CASP2: variants seen among roughly 807,000 people sequenced by gnomAD.
CASP2 encodes the protein caspase-2.
In CASP2, 38 loss-of-function variants were observed where a neutral mutation model predicts 54.4. That is an observed-to-expected ratio of 0.70 (90% confidence interval 0.54 to 0.92). The LOEUF (loss-of-function observed/expected upper bound fraction) is 0.92. Among genes scored for constraint, CASP2 ranks in the 40% least tolerant of loss-of-function variants. CASP2 has a pLI of 0.00. For missense variants in CASP2, 512 were observed against 579.6 expected (o/e 0.88, Z 1.20); for synonymous variants, 215 against 216.3 (o/e 0.99, Z 0.05).
intron 3 of CASP2, 56 bp downstream of exon 3, chr7:143,292,523 A>G: frequency 6.2e-7 from 1 of 1,608,584 alleles, no homozygotes; most frequent in Middle Eastern, 1.7e-4. Context: ...CTGGAAAGGA[A>G]TTTGTAAGTC....
rs1312601617 is a variant in CASP2, at chr7:143,288,428, G to A, written c.-28G>A. ...GGTTTGTTTGGGCTGTGGGCGGTGC[G>A]CAGCGGAGAGCCCGGGAAAAGCGGG... On this transcript the variant is annotated 5_prime_UTR_variant, in exon 1 of 11. Transcript: ENST00000310447. 6.2e-7 allele frequency: 1 copy of A among 1,609,912 alleles called. No homozygotes were observed. The highest frequency in any genetic ancestry group is 1.7e-5 in the Admixed American group (1 of 59,896).
At chr7:143,290,481 T>A (rs1024494933) in intron 1 of CASP2, 2 of 152,218 alleles carry the variant, frequency 1.3e-5, no homozygotes, top group Non-Finnish European at 2.9e-5. Flanking sequence ...CTGTTACATA[T>A]GTGGAAAATG....
intron 6 of CASP2, among the ~76,000 whole-genome samples, chr7:143,296,943 T>C (rs1310509885): frequency 6.6e-6 from 1 of 152,226 alleles, no homozygotes. Flanking sequence ...TTCATGAGGT[T>C]ACTAGTTCTA....
chr7:143,304,382 T>C (rs1802006452), intron 9 of CASP2, among the ~76,000 whole-genome samples: 3 of 152,244 alleles, frequency 2.0e-5, no homozygotes, highest in Admixed American at 2.0e-4. Flanking sequence ...ATAATGTTGT[T>C]GCACACTTAA....
Position 143,288,478 on chromosome 7 carries a change from C to T in CASP2, c.23C>T (p.Ser8Phe), listed in dbSNP as rs1340293151. ...GAAATGGCGGCGCCGAGCGCGGGGT[C>T]TTGGTCCACCTTCCAGCACAAGGAG... MAAPSAGSWSTFQHKELM... is the reference protein window; with the variant it reads MAAPSAGFWSTFQHKELM... The change falls in exon 1 of 11, where the codon TCT becomes TTT. Residue 8 changes from serine (S) to phenylalanine (F), a missense_variant. By Grantham distance (155) the Ser-to-Phe change is radical. Coordinates refer to ENST00000310447, the MANE Select transcript of CASP2 (RefSeq NM_032982.4). The T allele has an allele frequency of 1.9e-6, 3 of 1,613,152 alleles. No homozygotes were observed. Among genetic ancestry groups the T allele is most frequent in the African/African-American group, 1.3e-5 (1 of 74,920 alleles).
At chr7:143,298,939 G>A (rs1290460210) in intron 6 of CASP2, 1 of 151,832 alleles carries the variant, frequency 6.6e-6, no homozygotes, top group Non-Finnish European at 1.5e-5. Context: ...TTTTTGCAAT[G>A]TGTCCCAGAC....
chr7:143,296,842 T>G (rs1801769142), intron 6 of CASP2, among the ~76,000 whole-genome samples: 1 of 152,206 alleles, frequency 6.6e-6, no homozygotes, highest in Non-Finnish European at 1.5e-5. Flanking sequence ...GAGACTCCTC[T>G]TCCCCTGATA....
At chr7:143,301,809 A>G (rs1205840038) in intron 8 of CASP2, 1 of 152,208 alleles carries the variant, frequency 6.6e-6, no homozygotes, top group East Asian at 1.9e-4. Context: ...GCTGGTCACA[A>G]TGAAGTGGGT....
chr7:143,301,970 T>C (rs1326706674), intron 8 of CASP2: 1 of 152,196 alleles, frequency 6.6e-6, no homozygotes, highest in Non-Finnish European at 1.5e-5. Flanking sequence ...GGAAAGAGGT[T>C]ATGGGTCAGC....
chr7:143,302,637 C>CCCCAATT (rs976315656), intron 8 of CASP2: 5 of 152,142 alleles, frequency 3.3e-5, no homozygotes, highest in Non-Finnish European at 7.3e-5. Flanking sequence ...GGTCCTTTTC[C>CCCCAATT]CCCAATTCTT....
chr7:143,300,410 T>G, intron 8 of CASP2, 116 bp downstream of exon 8: 1 of 1,598,786 alleles, frequency 6.3e-7, no homozygotes, highest in Non-Finnish European at 8.5e-7. Context: ...CACCTCCTTC[T>G]GTTCACTGCT....
At chr7:143,292,223 C>A in intron 2 of CASP2, 77 bp from the exon 3 acceptor site, 1 of 1,458,716 alleles carries the variant, frequency 6.9e-7, no homozygotes, top group Non-Finnish European at 9.6e-7. Context: ...GAGGACACTA[C>A]TAGGAAGCTC....
At position 143,305,058 on chromosome 7, in the gene CASP2, A is replaced by AC. The variant is rs1468854764; in HGVS notation, c.1349dup (p.Pro451SerfsTer22). ...CGCCACCTCTACCTGTTCCCAGGAC[A>AC]CCCTCCCACATGATGTCACCTCCCC... On this transcript the variant is annotated frameshift_variant, in exon 11 of 11. Coordinates refer to ENST00000310447, the MANE Select transcript of CASP2 (RefSeq NM_032982.4). LOFTEE classifies it high-confidence loss of function. 1 of 1,614,018 alleles carries AC rather than the reference A, an allele frequency of 6.2e-7. No homozygotes were observed. The highest frequency in any genetic ancestry group is 8.5e-7 in the Non-Finnish European group (1 of 1,179,980).
intron 8 of CASP2, chr7:143,302,710 G>C (rs1224334111): frequency 6.6e-6 from 1 of 152,090 alleles, no homozygotes; most frequent in Non-Finnish European, 1.5e-5. Flanking sequence ...CTGTAAAAGA[G>C]CATACTCTTA....
At chr7:143,303,010 T>A (rs1461223283) in intron 8 of CASP2, 1 of 151,760 alleles carries the variant, frequency 6.6e-6, no homozygotes, top group Admixed American at 6.6e-5. Context: ...ATGCCTATAA[T>A]CCCAACACTT....
chr7:143,294,895 C>A, intron 6 of CASP2, 122 bp downstream of exon 6: 2 of 835,014 alleles, frequency 2.4e-6, no homozygotes, highest in Non-Finnish European at 4.0e-6. Flanking sequence ...ATTCTACTTA[C>A]ATTTTTACTC....
In CASP2 at chr7:143,300,069, G is replaced by C; in HGVS notation, c.876+18G>C. The C allele has an allele frequency of 1.2e-6, 2 of 1,614,108 alleles. No individual in the cohort carries two copies. Among genetic ancestry groups the C allele is most frequent in the Non-Finnish European group, 1.7e-6 (2 of 1,180,016 alleles). On this transcript the variant is annotated intron_variant, in intron 7 of 10. Coordinates refer to ENST00000310447, the MANE Select transcript of CASP2 (RefSeq NM_032982.4). The stretch of plus-strand genomic sequence containing the variant: ...TGCTCCAGGTGCGGATACCCTGGTG[G>C]AAGCCAACTGTTGAAACCAGGCTGC...
At chr7:143,292,574 C>T in intron 3 of CASP2, 43 bp from the exon 4 acceptor site, 1 of 1,604,366 alleles carries the variant, frequency 6.2e-7, no homozygotes, top group Non-Finnish European at 8.5e-7. Context: ...TGGACCGGAC[C>T]ACTTCCCTAA....
chr7:143,295,467 T>C (rs2116778986), intron 6 of CASP2, among the ~76,000 whole-genome samples: 1 of 152,386 alleles, frequency 6.6e-6, no homozygotes. Context: ...ACTGACTTTG[T>C]GACCTTTAGG....
Sources: allele counts gnomAD v4.1 joint callset (sites outside exome capture counted in the v4.1 genomes callset), GRCh38; gene constraint gnomAD v4.1.1; transcripts MANE v1.5; gene names NCBI Gene and HGNC (gene_info 2026-07-23, HGNC 2026-07-21).